The following PCDHGB1 variants were observed in gnomAD, a reference collection of about 807,000 sequenced individuals.
The protein encoded by PCDHGB1 is protocadherin gamma-B1.
In PCDHGB1, 34 loss-of-function variants were observed where a neutral mutation model predicts 56.6. The ratio of observed to expected loss-of-function variants is 0.60; its 90% CI spans 0.46 to 0.80. The LOEUF is 0.80. PCDHGB1 is among the 30% of genes least tolerant of loss of function. The pLI is 0.00. For synonymous variants in PCDHGB1, 561 were observed against 505.9 expected (o/e 1.11, Z -1.46); for missense variants, 1,278 against 1,204.6 (o/e 1.06, Z -0.90).
At chr5:141,437,047 G>C (rs2097860477) in intron 1 of PCDHGB1, among the ~76,000 whole-genome samples, 1 of 152,214 alleles carries the variant, frequency 6.6e-6, no homozygotes, top group Admixed American at 6.5e-5. Context: ...AAACCAGAAG[G>C]CTGGTGATCA....
At chr5:141,396,954 C>G (rs2093459266) in intron 1 of PCDHGB1, among the ~76,000 whole-genome samples, 1 of 152,172 alleles carries the variant, frequency 6.6e-6, no homozygotes. Flanking sequence ...GAAAGAAAAT[C>G]CTTACTCTCC....
chr5:141,445,416 T>C lies in PCDHGB1; in HGVS notation c.2410-49391T>C, dbSNP rs190826518. ...TAACAAATATTTATTAACTGTCTGC[T>C]ATATGCAAGGCACTGACCTATGGAC... On this transcript the variant is annotated intron_variant, in intron 1 of 3. Coordinates refer to ENST00000523390, the MANE Select transcript of PCDHGB1 (RefSeq NM_018922.3). 2.2e-3 allele frequency among the ~76,000 whole-genome samples: 336 copies of C among 152,342 alleles called. 1 individual carries two copies. The highest frequency in any genetic ancestry group is 0.01 in the Middle Eastern group (3 of 294).
chr5:141,360,598 G>C (rs1761668512), intron 1 of PCDHGB1: 1 of 1,613,956 alleles, frequency 6.2e-7, no homozygotes, highest in Non-Finnish European at 8.5e-7. Flanking sequence ...ATTTCCACTT[G>C]ACCCAGCCCT....
intron 1 of PCDHGB1, chr5:141,375,887 G>T (rs1290311886): frequency 2.5e-6 from 4 of 1,613,656 alleles, no homozygotes; most frequent in South Asian, 1.1e-5. Context: ...GGGCCAGAAC[G>T]CCTGGCTGTC....
chr5:141,356,775 T>A, intron 1 of PCDHGB1: 1 of 1,613,974 alleles, frequency 6.2e-7, no homozygotes, highest in South Asian at 1.1e-5. Flanking sequence ...ATGAGCAGTT[T>A]AGAGACCTGC....
chr5:141,408,918 C>T, intron 1 of PCDHGB1: 1 of 1,613,408 alleles, frequency 6.2e-7, no homozygotes. Flanking sequence ...AATGATAACC[C>T]CCCGGTTTTC....
intron 3 of PCDHGB1, among the ~76,000 whole-genome samples, chr5:141,505,720 G>A (rs1251781594): frequency 2.2e-4 from 34 of 152,212 alleles, no homozygotes; most frequent in Non-Finnish European, 2.9e-5. Context: ...GACTCATGGA[G>A]GGAATAGTGG....
At chr5:141,498,826 A>G (rs1186868890) in intron 2 of PCDHGB1, among the ~76,000 whole-genome samples, 1 of 152,006 alleles carries the variant, frequency 6.6e-6, no homozygotes, top group African/African-American at 2.4e-5. Context: ...CCAGCTACTC[A>G]GGAGGCTGAG....
intron 1 of PCDHGB1, chr5:141,408,352 C>T: frequency 6.2e-7 from 1 of 1,613,918 alleles, no homozygotes; most frequent in South Asian, 1.1e-5. Flanking sequence ...TGGGGAACCT[C>T]GCTAAGGATC....
chr5:141,361,008 T>C (rs1327006146), intron 1 of PCDHGB1: 4 of 1,613,330 alleles, frequency 2.5e-6, no homozygotes, highest in African/African-American at 1.3e-5. Flanking sequence ...TGAAACACTT[T>C]TTCAACTTAA....
chr5:141,355,783 G>T, intron 1 of PCDHGB1: 2 of 1,613,802 alleles, frequency 1.2e-6, no homozygotes, highest in Non-Finnish European at 1.7e-6. Flanking sequence ...CCCAGAGCTG[G>T]TGCTGGAACG....
At chr5:141,501,550 A>G (rs1251701030) in intron 2 of PCDHGB1, among the ~76,000 whole-genome samples, 3 of 152,078 alleles carry the variant, frequency 2.0e-5, no homozygotes, top group Non-Finnish European at 4.4e-5. Flanking sequence ...ATAAGATCAT[A>G]GGCCCTGGAA....
chr5:141,497,187 G>T (rs1475463841), intron 2 of PCDHGB1, among the ~76,000 whole-genome samples: 2 of 139,586 alleles, frequency 1.4e-5, no homozygotes, highest in Non-Finnish European at 3.0e-5. Flanking sequence ...GTTCTGAGAG[G>T]CAGAGAACAA....
intron 1 of PCDHGB1, chr5:141,382,874 G>A (rs369372304): frequency 1.6e-5 from 24 of 1,523,072 alleles, no homozygotes; most frequent in Non-Finnish European, 1.8e-6. Context: ...CGAGATCGGC[G>A]CCTAAGCAAG....
intron 1 of PCDHGB1, among the ~76,000 whole-genome samples, chr5:141,402,229 AG>A (rs1400203598): frequency 6.6e-6 from 1 of 152,110 alleles, no homozygotes; most frequent in Non-Finnish European, 1.5e-5. Context: ...ACGTTTTTCC[AG>A]GAATTTTATC....
In PCDHGB1 at chr5:141,351,478, A is replaced by C; in HGVS notation, c.1218A>C (p.Leu406=). ...ACAAGCTGGTGATTGCTGGAGCCCT[A>C]AACCGGGAGCAGACAGCAGACTACA... ...NYYKLVIAGA[L]NREQTADYNV... The change falls in exon 1 of 4, where the codon CTA becomes CTC. Residue 406 remains leucine (L), a synonymous_variant. Transcript: ENST00000523390. 2 of 1,613,924 alleles carry C rather than the reference A, an allele frequency of 1.2e-6. No individual in the cohort carries two copies. Among genetic ancestry groups the C allele is most frequent in the Non-Finnish European group, 1.7e-6 (2 of 1,179,852 alleles).
Position 141,491,188 on chromosome 5 carries a change from G to A in PCDHGB1, c.2410-3619G>A. On this transcript the variant is annotated intron_variant, in intron 1 of 3. Transcript: ENST00000523390. This position sits in a 1 kb window ranked among gnomAD's most constrained non-coding sequence, Gnocchi z 6.9. Reference sequence around the variant, plus strand: ...CCAGCAGGTGGTGGTCCTGGTGAGGGACAATGGTGACCCTTCACTCTCCTC... The same window carrying A: ...CCAGCAGGTGGTGGTCCTGGTGAGGAACAATGGTGACCCTTCACTCTCCTC... The A allele has an allele frequency of 6.2e-7, 1 of 1,614,198 alleles. No individual in the cohort carries two copies. The highest frequency in any genetic ancestry group is 1.1e-5 in the South Asian group (1 of 91,086).
chr5:141,432,049 G>T lies in PCDHGB1; in HGVS notation c.2410-62758G>T. The T allele has an allele frequency of 7.4e-6, 12 of 1,614,150 alleles. No individual in the cohort carries two copies. Among genetic ancestry groups the T allele is most frequent in the Non-Finnish European group, 1.0e-5 (12 of 1,180,028 alleles). Reference sequence around the variant, plus strand: ...TGACCGCCACTGACCGGGGAACCCCGCCCCTATCCACGGAAACTCATATCT... The same window carrying T: ...TGACCGCCACTGACCGGGGAACCCCTCCCCTATCCACGGAAACTCATATCT... On this transcript the variant is annotated intron_variant, in intron 1 of 3. Coordinates refer to ENST00000523390, the MANE Select transcript of PCDHGB1 (RefSeq NM_018922.3). The surrounding 1 kb of genome is among the most constrained non-coding windows in gnomAD (Gnocchi z 6.0).
chr5:141,378,118 C>T (rs1196603036), intron 1 of PCDHGB1: 3 of 152,190 alleles, frequency 2.0e-5, no homozygotes, highest in Non-Finnish European at 4.4e-5. Context: ...ATAGTGAACA[C>T]GTATTTGTTG....
Sources: allele counts gnomAD v4.1 joint callset (sites outside exome capture counted in the v4.1 genomes callset), GRCh38; gene constraint gnomAD v4.1.1; non-coding constraint Gnocchi (gnomAD v3.1); transcripts MANE v1.5; gene names NCBI Gene and HGNC (gene_info 2026-07-23, HGNC 2026-07-21).